Variants in STAG2 observed in about 807,000 individuals in gnomAD.
STAG2 encodes the protein cohesin subunit SA-2.
STAG2 carries 14 observed loss-of-function variants against 108.1 expected under a neutral mutation model. The ratio of observed to expected loss-of-function variants is 0.13; its 90% confidence interval spans 0.09 to 0.20. STAG2 has a LOEUF of 0.20. STAG2 is among the 10% of genes least tolerant of loss of function. STAG2 has a pLI of 1.00. For missense variants in STAG2, 440 were observed against 940.9 expected (o/e 0.47, Z 6.96); for synonymous variants, 307 against 302.7 (o/e 1.01, Z -0.15).
intron 1 of STAG2, among the ~76,000 whole-genome samples, chrX:123,974,203 A>G (rs1191507066): frequency 1.2e-4 from 13 of 110,454 alleles, no homozygotes; most frequent in Non-Finnish European, 2.5e-4. Context: ...ACAAAGTTAA[A>G]AGAGCCCATG....
chrX:124,078,766 C>T (rs901964318), intron 27 of STAG2, among the ~76,000 whole-genome samples: 2 of 110,109 alleles, frequency 1.8e-5, no homozygotes, highest in Non-Finnish European at 3.8e-5. Flanking sequence ...ATCAGGAATT[C>T]GAGACCAGCC....
At chrX:123,965,220 T>G (rs946568309) in intron 1 of STAG2, among the ~76,000 whole-genome samples, 2 of 111,973 alleles carry the variant, frequency 1.8e-5, no homozygotes, top group Admixed American at 9.5e-5. Context: ...ATTTCAAATT[T>G]TTATTCATAT....
At chrX:124,050,610 GTTGTT>G (rs1168095580) in intron 11 of STAG2, among the ~76,000 whole-genome samples, 3 of 110,283 alleles carry the variant, frequency 2.7e-5, no homozygotes, top group Non-Finnish European at 5.7e-5. Context: ...CCATTACGCT[GTTGTT>G]ATCTGAGAGC....
intron 23 of STAG2, among the ~76,000 whole-genome samples, chrX:124,067,361 C>T (rs955697492): frequency 1.0e-5 from 1 of 98,272 alleles, no homozygotes; most frequent in East Asian, 3.5e-4. Flanking sequence ...CTCTGACTTG[C>T]GGGTTCAAGC....
intron 1 of STAG2, among the ~76,000 whole-genome samples, chrX:123,976,445 C>A (rs1185814336): frequency 3.6e-5 from 4 of 111,517 alleles, no homozygotes; most frequent in Non-Finnish European, 7.5e-5. Context: ...GAACTGTTTT[C>A]ATCTGATTTT....
chrX:124,063,099 A>T lies in STAG2; in HGVS notation c.1732-17A>T, dbSNP rs200822376. ...TTCTTATTGTGATATTTTTAACGTG[A>T]TCTTTATATTTCACAGTACTCTGTA... On this transcript the variant is annotated splice_polypyrimidine_tract_variant and intron_variant, in intron 18 of 34. Transcript: ENST00000371145. 2.5e-6 allele frequency: 3 copies of T among 1,187,843 alleles called. No individual in the cohort carries two copies. The highest frequency in any genetic ancestry group is 2.3e-6 in the Non-Finnish European group (2 of 878,011).
chrX:123,960,636 AAAAAAAAG>A, upstream of STAG2: 1 of 103,492 alleles, frequency 9.7e-6, no homozygotes, highest in Admixed American at 1.1e-4. Flanking sequence ...AAAAAAAAAA[AAAAAAAAG>A]AAAAAAAACC....
intron 17 of STAG2, among the ~76,000 whole-genome samples, chrX:124,062,441 TTTTCTA>T (rs1347702446): frequency 8.9e-6 from 1 of 112,272 alleles, no homozygotes; most frequent in Non-Finnish European, 1.9e-5. Context: ...GCTTTCTGTG[TTTTCTA>T]TTTCTGTTTT....
chrX:124,061,743 C>CTTTTTTTTTTTT (rs36097834), intron 16 of STAG2, 28 bp from the exon 17 acceptor site: 5 of 474,385 alleles, frequency 1.1e-5, no homozygotes, highest in African/African-American at 8.1e-5. Context: ...CTCTTTCTGA[C>CTTTTTTTTTTTT]TTTTTTTTTT....
At chrX:123,998,952 A>G (rs1450419880) in intron 1 of STAG2, among the ~76,000 whole-genome samples, 1 of 110,646 alleles carries the variant, frequency 9.0e-6, no homozygotes, top group Non-Finnish European at 1.9e-5. Flanking sequence ...AGAAAATGAA[A>G]AAAAAAAATT....
chrX:124,057,617 A>T (rs1396619992), intron 14 of STAG2, among the ~76,000 whole-genome samples: 1 of 112,255 alleles, frequency 8.9e-6, no homozygotes, highest in African/African-American at 3.2e-5. Flanking sequence ...AAAAACAAAT[A>T]GTTTATAACT....
Position 124,100,625 on chromosome X carries a change from A to G in STAG2, c.*28A>G. 1.7e-6 allele frequency: 2 copies of G among 1,150,308 alleles called. No individual in the cohort carries two copies. The highest frequency in any genetic ancestry group is 3.7e-5 in the South Asian group (2 of 54,186). 94.8% of individuals were successfully genotyped at this position (1,150,308 alleles called of 1,213,427 possible). A position where few individuals can be genotyped will look rare whatever the true frequency, so the allele number is the denominator to read the frequency against. Reference sequence around the variant, plus strand: ...CCAGTACACAATTAAATCTGTGGTGAAGTCATTTTCTAAGTGGAAGAGGAA... The same window carrying G: ...CCAGTACACAATTAAATCTGTGGTGGAGTCATTTTCTAAGTGGAAGAGGAA... On this transcript the variant is annotated 3_prime_UTR_variant, in exon 35 of 35. Coordinates refer to ENST00000371145, the MANE Select transcript of STAG2 (RefSeq NM_001042750.2).
At chrX:124,044,901 A>G (rs2148177260) in intron 7 of STAG2, among the ~76,000 whole-genome samples, 1 of 111,497 alleles carries the variant, frequency 9.0e-6, no homozygotes, top group African/African-American at 3.2e-5. Context: ...GGCTTTTAAA[A>G]TTTTTAACCT....
chrX:123,970,587 A>G (rs1176876081), intron 1 of STAG2, among the ~76,000 whole-genome samples: 2 of 112,111 alleles, frequency 1.8e-5, no homozygotes, highest in Non-Finnish European at 3.8e-5. Context: ...TGCTGTTGAT[A>G]CTGCTATTGC....
Position 123,969,952 on chromosome X carries a change from G to GTTT in STAG2, c.-163+8121_-163+8123dup, listed in dbSNP as rs749744551. Among the ~76,000 whole-genome samples the GTTT allele has an allele frequency of 5.1e-3, 200 of 39,162 alleles. 6 individuals are homozygous for GTTT. Among genetic ancestry groups the GTTT allele is most frequent in the East Asian group, 7.1e-3 (8 of 1,120 alleles). The allele number at this position is 39,162 out of a possible 115,157, so 34.0% of individuals were successfully genotyped here. A position where few individuals can be genotyped will look rare whatever the true frequency, so the allele number is the denominator to read the frequency against. On this transcript the variant is annotated intron_variant, in intron 1 of 34. Transcript: ENST00000371145. Reference sequence around the variant, plus strand: ...GTGAGCCACCGCACCCGGTCTTCCTGTTTTTTTTTTTTTTTTTTTTTTTTT... The same window carrying GTTT: ...GTGAGCCACCGCACCCGGTCTTCCTGTTTTTTTTTTTTTTTTTTTTTTTTTTTT...
At chrX:124,021,181 A>G (rs1040338563) in intron 1 of STAG2, among the ~76,000 whole-genome samples, 186 bp from the exon 2 acceptor site, 1 of 112,132 alleles carries the variant, frequency 8.9e-6, no homozygotes, top group African/African-American at 3.2e-5. Context: ...TGAACTTTGT[A>G]TATTAATTAA....
intron 20 of STAG2, among the ~76,000 whole-genome samples, chrX:124,064,470 G>A (rs1296294718): frequency 9.5e-6 from 1 of 105,755 alleles, no homozygotes; most frequent in African/African-American, 3.5e-5. Flanking sequence ...TGGAGACGGA[G>A]TCTTTCTCTG....
chrX:123,984,034 A>G (rs2055033861), intron 1 of STAG2, among the ~76,000 whole-genome samples: 1 of 92,922 alleles, frequency 1.1e-5, no homozygotes. Flanking sequence ...GCTGGAGTAC[A>G]ATGGCGCGAT....
In STAG2 at chrX:124,078,037, C is replaced by T; in HGVS notation, c.2754C>T (p.Thr918=). ...RQIDKIQCAK[T]LILSLQQLFN... is the part of the protein sequence containing the mutation. ...TAGACAAAATTCAGTGTGCTAAGAC[C>T]CTTATTCTCAGTCTGCAACAGGTAA... The change falls in exon 27 of 35, where the codon ACC becomes ACT. Residue 918 remains threonine, a synonymous_variant. Transcript: ENST00000371145. 1 of 1,191,341 alleles carries T rather than the reference C, an allele frequency of 8.4e-7. No homozygotes were observed. The highest frequency in any genetic ancestry group is 1.1e-6 in the Non-Finnish European group (1 of 886,009).
Sources: gnomAD v4.1 joint callset for allele counts (sites outside exome capture counted in the v4.1 genomes callset) on GRCh38, gnomAD v4.1.1 for gene constraint, MANE v1.5 for transcripts, NCBI Gene and HGNC (gene_info 2026-07-23, HGNC 2026-07-21) for gene names.